Variants in CDH6 observed in about 807,000 individuals in gnomAD.
CDH6 encodes cadherin 6.
Under a neutral mutation model 78.0 loss-of-function variants are expected in CDH6, and 31 were observed. The ratio of observed to expected loss-of-function variants is 0.40; its 90% CI spans 0.30 to 0.54. CDH6 has a LOEUF of 0.54. Ranked by LOEUF, CDH6 falls within the 20% of genes least tolerant of loss-of-function variation. The probability of loss-of-function intolerance (pLI) is 0.56; values close to 1 mark genes in which losing one functional copy is unlikely to be tolerated. For synonymous variants in CDH6, 376 were observed against 368.8 expected (o/e 1.02, Z -0.23); for missense variants, 724 against 975.9 (o/e 0.74, Z 3.44).
chr5:31,216,052 G>T (rs1740853647), intron 1 of CDH6, among the ~76,000 whole-genome samples: 1 of 151,750 alleles, frequency 6.6e-6, no homozygotes, highest in Non-Finnish European at 1.5e-5. Flanking sequence ...GTGTTTTAAA[G>T]TTCTACAACA....
At chr5:31,242,407 A>T (rs1741628139) in intron 1 of CDH6, among the ~76,000 whole-genome samples, 1 of 152,168 alleles carries the variant, frequency 6.6e-6, no homozygotes, top group Non-Finnish European at 1.5e-5. Flanking sequence ...CTGAGTTCTC[A>T]ACAGGCCAAT....
Position 31,313,230 on chromosome 5 carries a change from ATGTGT to A in CDH6, c.1254-87_1254-83del. The A allele has an allele frequency of 5.1e-6, 6 of 1,188,022 alleles. No individual in the cohort carries two copies. In the South Asian group the frequency reaches 7.6e-5, roughly 15 times the overall value. 73.6% of individuals were successfully genotyped at this position (1,188,022 alleles called of 1,614,324 possible). ...TATGCCACAGATACTCTGGGATATG[ATGTGT>A]ACCAGATGTTTTATGATGTTCTATG... On this transcript the variant is annotated intron_variant, in intron 7 of 11. Transcript: ENST00000265071.
At chr5:31,250,827 G>C (rs897474648) in intron 1 of CDH6, 1 of 153,118 alleles carries the variant, frequency 6.5e-6, no homozygotes, top group African/African-American at 2.4e-5. Context: ...TCAGCCACTC[G>C]AGCAACCGCA....
intron 6 of CDH6, 79 bp downstream of exon 6, chr5:31,302,377 A>G: frequency 9.8e-7 from 1 of 1,018,674 alleles, no homozygotes; most frequent in Non-Finnish European, 1.5e-6. Context: ...GGGCAATTAT[A>G]TCTCACATAA....
At chr5:31,312,274 T>G (rs1184192497) in intron 7 of CDH6, among the ~76,000 whole-genome samples, 1 of 152,220 alleles carries the variant, frequency 6.6e-6, no homozygotes, top group Non-Finnish European at 1.5e-5. Flanking sequence ...AAAATGGAAC[T>G]TACCCATCTT....
chr5:31,260,504 C>T (rs1207774942), intron 1 of CDH6, among the ~76,000 whole-genome samples: 2 of 152,186 alleles, frequency 1.3e-5, no homozygotes, highest in African/African-American at 2.4e-5. Flanking sequence ...TATTTCACTT[C>T]AGCCCCCAAC....
At chr5:31,223,978 A>G (rs952788661) in intron 1 of CDH6, among the ~76,000 whole-genome samples, 2 of 152,214 alleles carry the variant, frequency 1.3e-5, no homozygotes, top group Non-Finnish European at 2.9e-5. Flanking sequence ...AATTGTCAAC[A>G]TGTACTAAGT....
chr5:31,214,825 T>C (rs903127111), intron 1 of CDH6, among the ~76,000 whole-genome samples: 6 of 152,206 alleles, frequency 3.9e-5, no homozygotes, highest in East Asian at 1.9e-4. Flanking sequence ...GAACCTTCGA[T>C]GTAAAAAGCT....
At chr5:31,315,470 T>C (rs1468220586) in intron 8 of CDH6, among the ~76,000 whole-genome samples, 1 of 152,222 alleles carries the variant, frequency 6.6e-6, no homozygotes, top group Non-Finnish European at 1.5e-5. Flanking sequence ...AAATCTGTCT[T>C]CCATACTGTG....
intron 11 of CDH6, chr5:31,318,509 C>T (rs1485237915): frequency 1.3e-5 from 3 of 230,422 alleles, no homozygotes; most frequent in South Asian, 1.8e-4. Flanking sequence ...CAATAAATAA[C>T]TTCTGTGATT....
intron 1 of CDH6, among the ~76,000 whole-genome samples, chr5:31,260,683 A>C (rs907190740): frequency 1.3e-5 from 2 of 152,242 alleles, no homozygotes; most frequent in Non-Finnish European, 2.9e-5. Flanking sequence ...ATAAACATTT[A>C]CAAAAATATA....
intron 1 of CDH6, among the ~76,000 whole-genome samples, chr5:31,245,796 GAC>G (rs921193553): frequency 6.6e-6 from 1 of 150,728 alleles, no homozygotes; most frequent in Non-Finnish European, 1.5e-5. Flanking sequence ...AATTTCTTAA[GAC>G]ACCTAGGATA....
intron 5 of CDH6, among the ~76,000 whole-genome samples, chr5:31,299,866 A>G (rs1318630054): frequency 6.6e-6 from 1 of 152,176 alleles, no homozygotes; most frequent in Non-Finnish European, 1.5e-5. Context: ...AGGCAACATC[A>G]TTGTTTCATT....
At position 31,299,495 on chromosome 5, in the gene CDH6, T is replaced by C. The variant is rs1002358837; in HGVS notation, c.675T>C (p.Asp225=). 2 of 1,613,748 alleles carry C rather than the reference T, an allele frequency of 1.2e-6. No homozygotes were observed. Among genetic ancestry groups the C allele is most frequent in the African/African-American group, 2.7e-5 (2 of 74,874 alleles). ...GIIKTALLNM[D]RENREQYQVV... is the part of the protein sequence containing the mutation. ...TCAAGACAGCTTTGCTCAACATGGATCGAGAAAACAGGGAGCAGTACCAAG... is the reference window on the plus strand; with the variant it reads ...TCAAGACAGCTTTGCTCAACATGGACCGAGAAAACAGGGAGCAGTACCAAG... Residue 225 remains aspartate (D), a synonymous_variant, in exon 5 of 12, where the codon GAT becomes GAC. Coordinates refer to ENST00000265071, the MANE Select transcript of CDH6 (RefSeq NM_004932.4).
chr5:31,225,773 C>T (rs903296037), intron 1 of CDH6, among the ~76,000 whole-genome samples: 5 of 152,110 alleles, frequency 3.3e-5, no homozygotes, highest in African/African-American at 4.8e-5. Flanking sequence ...GACACAGAGC[C>T]AAACCATATC....
intron 2 of CDH6, among the ~76,000 whole-genome samples, chr5:31,280,192 AT>A (rs1463443810): frequency 2.6e-5 from 4 of 152,228 alleles, no homozygotes; most frequent in African/African-American, 7.2e-5. Flanking sequence ...AAGAGAAAGT[AT>A]TCCCTGGCAG....
At position 31,314,826 on chromosome 5, in the gene CDH6, AG is replaced by A. The variant is rs57963107; in HGVS notation, c.1390+1373del. Among the ~76,000 whole-genome samples the A allele has an allele frequency of 8.7e-3, 1,323 of 152,276 alleles. 19 individuals carry two copies. The highest frequency in any genetic ancestry group is 0.03 in the African/African-American group (1,253 of 41,562). On this transcript the variant is annotated intron_variant, in intron 8 of 11. Coordinates refer to ENST00000265071, the MANE Select transcript of CDH6 (RefSeq NM_004932.4). ...ATTTTAATCTTTGTGCCTTAAAAAA[AG>A]TTTTTAAGATTTAATGTTTCTATGA...
chr5:31,263,433 T>A (rs969847159), intron 1 of CDH6, among the ~76,000 whole-genome samples: 8 of 141,248 alleles, frequency 5.7e-5, no homozygotes, highest in African/African-American at 2.1e-4. Context: ...ATTTTTGTTT[T>A]TTGGGGTCTT....
chr5:31,297,140 A>T (rs922069861), intron 3 of CDH6, 149 bp from the exon 4 acceptor site: 1 of 683,248 alleles, frequency 1.5e-6, no homozygotes, highest in Non-Finnish European at 2.6e-6. Context: ...TAAAGAATCC[A>T]ATCCTTTTTC....
Sources: gnomAD v4.1 joint callset for allele counts (sites outside exome capture counted in the v4.1 genomes callset) on GRCh38, gnomAD v4.1.1 for gene constraint, MANE v1.5 for transcripts, NCBI Gene and HGNC (gene_info 2026-07-23, HGNC 2026-07-21) for gene names.